Variants in VAT1L observed in about 807,000 individuals in gnomAD.
VAT1L encodes putative NADPH-dependent quinone oxidoreductase VAT1L.
In VAT1L, 34 loss-of-function variants were observed where a neutral mutation model predicts 44.1. The ratio of observed to expected loss-of-function variants is 0.77; its 90% CI spans 0.59 to 1.03. VAT1L has a LOEUF of 1.03. Ranked by LOEUF, VAT1L falls within the 50% of genes least tolerant of loss-of-function variation. VAT1L has a pLI of 0.00. For missense variants in VAT1L, 615 were observed against 538.8 expected (o/e 1.14, Z -1.40); for synonymous variants, 253 against 202.2 (o/e 1.25, Z -2.13).
intron 7 of VAT1L, among the ~76,000 whole-genome samples, chr16:77,942,080 A>G (rs891555367): frequency 1.3e-5 from 2 of 152,104 alleles, no homozygotes; most frequent in African/African-American, 4.8e-5. Context: ...GTATTAGTCC[A>G]TTTTCACACT....
intron 1 of VAT1L, among the ~76,000 whole-genome samples, chr16:77,808,485 C>T (rs929985560): frequency 1.3e-5 from 2 of 152,034 alleles, no homozygotes. Context: ...ACCCCTGCTC[C>T]ATGGAAAAAA....
At chr16:77,798,767 C>T (rs1050535750) in intron 1 of VAT1L, among the ~76,000 whole-genome samples, 2 of 152,166 alleles carry the variant, frequency 1.3e-5, no homozygotes, top group Non-Finnish European at 2.9e-5. Context: ...AAGAGGAATT[C>T]CTGAAGGGAC....
intron 8 of VAT1L, among the ~76,000 whole-genome samples, chr16:77,975,273 G>C (rs1312608458): frequency 7.7e-6 from 1 of 129,540 alleles, no homozygotes; most frequent in South Asian, 2.6e-4. Context: ...GCAGTGGTGT[G>C]ATCTCAGCTC....
At chr16:77,956,711 CCGCTTTA>C (rs1399195244) in intron 7 of VAT1L, among the ~76,000 whole-genome samples, 1 of 152,198 alleles carries the variant, frequency 6.6e-6, no homozygotes, top group Admixed American at 6.5e-5. Context: ...AATATATACC[CCGCTTTA>C]GACAAAGTGG....
chr16:77,941,892 C>T (rs1332727173), intron 7 of VAT1L, among the ~76,000 whole-genome samples: 1 of 152,140 alleles, frequency 6.6e-6, no homozygotes, highest in Non-Finnish European at 1.5e-5. Flanking sequence ...CCCAGCCTGC[C>T]ACACTGCTTT....
At chr16:77,868,596 G>A (rs1032169206) in intron 4 of VAT1L, among the ~76,000 whole-genome samples, 1 of 152,238 alleles carries the variant, frequency 6.6e-6, no homozygotes, top group Non-Finnish European at 1.5e-5. Flanking sequence ...ACGGGACTCA[G>A]TTCCAGGTGG....
intron 3 of VAT1L, among the ~76,000 whole-genome samples, chr16:77,826,361 C>T (rs1418283680): frequency 6.6e-6 from 1 of 152,136 alleles, no homozygotes; most frequent in African/African-American, 2.4e-5. Flanking sequence ...TTAGTTTTTT[C>T]AATAAATTGC....
At chr16:77,925,542 C>G (rs553012399) in intron 7 of VAT1L, among the ~76,000 whole-genome samples, 1 of 152,236 alleles carries the variant, frequency 6.6e-6, no homozygotes, top group East Asian at 1.9e-4. Context: ...AATATAAGAA[C>G]AAAAGATTAT....
chr16:77,968,635 G>A (rs1000538532), intron 7 of VAT1L, among the ~76,000 whole-genome samples: 2 of 152,038 alleles, frequency 1.3e-5, no homozygotes, highest in African/African-American at 4.8e-5. Context: ...TGAGGCTGGA[G>A]AATGGCATGA....
At chr16:77,862,717 G>A (rs1238294621) in intron 3 of VAT1L, 31 bp from the exon 4 acceptor site, 2 of 1,596,406 alleles carry the variant, frequency 1.3e-6, no homozygotes, top group Middle Eastern at 1.8e-4. Flanking sequence ...TGGCTCCTAT[G>A]TGTGACATAG....
chr16:77,912,477 A>G (rs979318831), intron 7 of VAT1L, among the ~76,000 whole-genome samples: 2 of 152,236 alleles, frequency 1.3e-5, no homozygotes, highest in East Asian at 1.9e-4. Context: ...GAGTGCAGTG[A>G]CATGGTCACG....
chr16:77,869,141 G>C (rs560176518), intron 4 of VAT1L, among the ~76,000 whole-genome samples: 4 of 152,188 alleles, frequency 2.6e-5, no homozygotes, highest in Non-Finnish European at 5.9e-5. Context: ...GTAGCAGAAG[G>C]GGGAAGGGAG....
chr16:77,862,496 G>T lies in VAT1L; in HGVS notation c.580-252G>T, dbSNP rs140852872. On this transcript the variant is annotated intron_variant, in intron 3 of 8. Transcript: ENST00000302536. ...CCGGGCATGGCAGCATGTGCCTGTA[G>T]TCCCAGCTACTTGGGAGGCTGAGGC... 3.9e-5 allele frequency among the ~76,000 whole-genome samples: 6 copies of T among 152,026 alleles called. 1 individual carries two copies. Among genetic ancestry groups the T allele is most frequent in the Middle Eastern group, 3.4e-3 (1 of 292 alleles).
At chr16:77,832,033 G>C (rs1360719423) in intron 3 of VAT1L, among the ~76,000 whole-genome samples, 2 of 127,086 alleles carry the variant, frequency 1.6e-5, no homozygotes, top group Admixed American at 1.8e-4. Flanking sequence ...TCACCTTGTT[G>C]CCCAAGCTGG....
At chr16:77,827,589 C>T (rs1418774999) in intron 3 of VAT1L, among the ~76,000 whole-genome samples, 2 of 152,176 alleles carry the variant, frequency 1.3e-5, no homozygotes, top group Non-Finnish European at 2.9e-5. Context: ...TAAGTCAATG[C>T]ACATAGCACA....
At chr16:77,826,572 T>C (rs1482882674) in intron 3 of VAT1L, among the ~76,000 whole-genome samples, 1 of 152,166 alleles carries the variant, frequency 6.6e-6, no homozygotes, top group Non-Finnish European at 1.5e-5. Flanking sequence ...AATCAAAATT[T>C]CTGCTCTAGA....
chr16:77,863,187 T>C (rs1210583823), intron 4 of VAT1L, among the ~76,000 whole-genome samples: 1 of 152,214 alleles, frequency 6.6e-6, no homozygotes, highest in Non-Finnish European at 1.5e-5. Context: ...ATTCACATGA[T>C]AGCTTAAGGT....
intron 7 of VAT1L, among the ~76,000 whole-genome samples, chr16:77,929,336 G>T (rs1165037525): frequency 6.6e-6 from 1 of 152,116 alleles, no homozygotes; most frequent in East Asian, 1.9e-4. Flanking sequence ...CTCAACACTG[G>T]TAGAAAGAGG....
At chr16:77,973,129 A>G (rs1399796871) in intron 8 of VAT1L, among the ~76,000 whole-genome samples, 1 of 152,194 alleles carries the variant, frequency 6.6e-6, no homozygotes, top group Non-Finnish European at 1.5e-5. Flanking sequence ...CAGTGCACAG[A>G]CCATCCGACT....
Sources: gnomAD v4.1 joint callset for allele counts (sites outside exome capture counted in the v4.1 genomes callset) on GRCh38, gnomAD v4.1.1 for gene constraint, MANE v1.5 for transcripts, NCBI Gene and HGNC (gene_info 2026-07-23, HGNC 2026-07-21) for gene names.